MACROD2: variants seen among roughly 807,000 people sequenced by gnomAD.
MACROD2 encodes ADP-ribose glycohydrolase MACROD2.
MACROD2 carries 36 observed loss-of-function variants against 70.4 expected under a neutral mutation model. That is an observed-to-expected ratio of 0.51 (90% CI 0.39 to 0.68). The LOEUF is 0.68. MACROD2 is among the 30% of genes least tolerant of loss of function. The pLI is 0.00. For synonymous variants in MACROD2, 172 were observed against 178.8 expected (o/e 0.96, Z 0.30); for missense variants, 496 against 538.4 (o/e 0.92, Z 0.78).
chr20:15,966,591 A>C (rs982053098), intron 12 of MACROD2, among the ~76,000 whole-genome samples: 5 of 152,064 alleles, frequency 3.3e-5, no homozygotes, highest in Middle Eastern at 6.3e-3. Flanking sequence ...AAAATTAGAA[A>C]ACTAAGTGGG....
intron 15 of MACROD2, among the ~76,000 whole-genome samples, chr20:16,005,202 T>C (rs1048948369): frequency 6.6e-6 from 1 of 152,180 alleles, no homozygotes; most frequent in African/African-American, 2.4e-5. Flanking sequence ...GGCATAACTC[T>C]TGCTCAACTT....
intron 8 of MACROD2, among the ~76,000 whole-genome samples, chr20:15,753,633 G>GT (rs747223118): frequency 6.5e-4 from 99 of 152,288 alleles, no homozygotes; most frequent in South Asian, 6.2e-4. Context: ...TACATACCAA[G>GT]TAATAGGATT....
chr20:15,482,601 G>C (rs1175806113), intron 7 of MACROD2, among the ~76,000 whole-genome samples: 1 of 152,284 alleles, frequency 6.6e-6, no homozygotes, highest in Non-Finnish European at 1.5e-5. Context: ...AGATTGCTGG[G>C]TAGTGTGATA....
intron 5 of MACROD2, among the ~76,000 whole-genome samples, chr20:14,824,536 T>A (rs1245539282): frequency 2.0e-5 from 3 of 152,066 alleles, no homozygotes; most frequent in African/African-American, 4.8e-5. Context: ...TATACACAGC[T>A]ATGAAGTCAG....
intron 3 of MACROD2, among the ~76,000 whole-genome samples, chr20:14,122,304 A>C (rs1394796943): frequency 6.6e-6 from 1 of 152,190 alleles, no homozygotes; most frequent in Non-Finnish European, 1.5e-5. Flanking sequence ...GGAGACAATA[A>C]GATTTTTAGA....
At chr20:14,113,492 C>G (rs2054477965) in intron 3 of MACROD2, among the ~76,000 whole-genome samples, 1 of 152,016 alleles carries the variant, frequency 6.6e-6, no homozygotes, top group Non-Finnish European at 1.5e-5. Context: ...TTAGCTACAT[C>G]TCTCTACATA....
At chr20:14,712,497 A>G (rs1281613956) in intron 5 of MACROD2, among the ~76,000 whole-genome samples, 1 of 152,160 alleles carries the variant, frequency 6.6e-6, no homozygotes, top group Non-Finnish European at 1.5e-5. Flanking sequence ...GCATACCTAT[A>G]GTTCTTAAGG....
intron 6 of MACROD2, among the ~76,000 whole-genome samples, chr20:15,313,532 C>T (rs1339436957): frequency 6.8e-6 from 1 of 147,260 alleles, no homozygotes; most frequent in Non-Finnish European, 1.5e-5. Flanking sequence ...AAAAAAATGA[C>T]ATGCAATAAC....
intron 10 of MACROD2, among the ~76,000 whole-genome samples, chr20:15,917,394 C>T (rs145729212): frequency 1.3e-5 from 2 of 152,184 alleles, no homozygotes; most frequent in East Asian, 1.9e-4. Context: ...ATTCATATTG[C>T]GTTTCTATGC....
At chr20:14,778,439 A>G (rs888787732) in intron 5 of MACROD2, among the ~76,000 whole-genome samples, 8 of 151,782 alleles carry the variant, frequency 5.3e-5, no homozygotes, top group African/African-American at 1.9e-4. Flanking sequence ...TTATGTTGTA[A>G]TTTTCTAACC....
rs550396290 is a variant in MACROD2 at position 15,734,660 on chromosome 20, A to G, written c.646-128085A>G. 3.5e-4 allele frequency among the ~76,000 whole-genome samples: 53 copies of G among 152,298 alleles called. 1 individual carries two copies. The highest frequency in any genetic ancestry group is 1.2e-3 in the African/African-American group (51 of 41,556). ...CTCCAGAAAACAAAAATCATCTTCAACAAGATGCCTTTTACCTATTTCTTG... is the reference window on the plus strand; with the variant it reads ...CTCCAGAAAACAAAAATCATCTTCAGCAAGATGCCTTTTACCTATTTCTTG... On this transcript the variant is annotated intron_variant, in intron 8 of 17. Coordinates refer to ENST00000684519, the MANE Select transcript of MACROD2 (RefSeq NM_001351661.2).
At chr20:15,974,869 T>C (rs1270858274) in intron 13 of MACROD2, among the ~76,000 whole-genome samples, 1 of 152,126 alleles carries the variant, frequency 6.6e-6, no homozygotes, top group African/African-American at 2.4e-5. Flanking sequence ...ATATCTGTAA[T>C]GTGTGTGCAT....
intron 5 of MACROD2, among the ~76,000 whole-genome samples, chr20:15,091,321 G>A (rs757685622): frequency 6.6e-6 from 1 of 151,012 alleles, no homozygotes; most frequent in Non-Finnish European, 1.5e-5. Context: ...TATACAAAAA[G>A]GTTAGGGAAG....
intron 7 of MACROD2, among the ~76,000 whole-genome samples, chr20:15,490,131 T>TTTCCTTCC (rs111772643): frequency 0.015 from 2,091 of 141,846 alleles, 30 homozygotes; most frequent in Admixed American, 0.053. Context: ...CCTCTTGGCA[T>TTTCCTTCC]TTCCTTCCTT....
At chr20:15,636,782 T>G (rs982696557) in intron 8 of MACROD2, among the ~76,000 whole-genome samples, 1 of 151,984 alleles carries the variant, frequency 6.6e-6, no homozygotes, top group Non-Finnish European at 1.5e-5. Context: ...GGTCCTATGA[T>G]GCACAAGTGA....
chr20:15,682,094 T>C (rs1454400819), intron 8 of MACROD2, among the ~76,000 whole-genome samples: 1 of 152,180 alleles, frequency 6.6e-6, no homozygotes, highest in East Asian at 1.9e-4. Context: ...TCATAACATG[T>C]AGCCACCTAT....
At chr20:14,293,290 G>C (rs563898550) in intron 3 of MACROD2, among the ~76,000 whole-genome samples, 1 of 151,686 alleles carries the variant, frequency 6.6e-6, no homozygotes, top group South Asian at 2.1e-4. Flanking sequence ...GGGAGAAACA[G>C]CTAACAAACA....
intron 8 of MACROD2, among the ~76,000 whole-genome samples, chr20:15,545,651 C>G (rs2048016341): frequency 6.6e-6 from 1 of 152,162 alleles, no homozygotes; most frequent in Admixed American, 6.5e-5. Flanking sequence ...ATGTTTGTGA[C>G]CAGAGGTCAG....
Position 15,575,910 on chromosome 20 carries a change from G to C in MACROD2, c.645+76063G>C, listed in dbSNP as rs549059962. 5.3e-5 allele frequency among the ~76,000 whole-genome samples: 8 copies of C among 152,038 alleles called. No individual in the cohort carries two copies. In the South Asian group the frequency reaches 1.7e-3, roughly 32 times the overall value. ...TTAGAAGATAAATTGGCTTAAACTT[G>C]TTTACTTTATATATTTTAAAACACA... On this transcript the variant is annotated intron_variant, in intron 8 of 17. Coordinates refer to ENST00000684519, the MANE Select transcript of MACROD2 (RefSeq NM_001351661.2).
Sources: allele counts gnomAD v4.1 joint callset (sites outside exome capture counted in the v4.1 genomes callset), GRCh38; gene constraint gnomAD v4.1.1; transcripts MANE v1.5; gene names NCBI Gene and HGNC (gene_info 2026-07-23, HGNC 2026-07-21).